The following CHERP variants were observed in gnomAD, a reference collection of about 807,000 sequenced individuals.
CHERP encodes the protein calcium homeostasis endoplasmic reticulum protein, also known as ERPROT 213-21.
A neutral mutation model predicts 113.8 loss-of-function variants in CHERP; 8 were observed. That is an observed-to-expected ratio of 0.07 (90% confidence interval 0.04 to 0.13). The LOEUF is 0.13. Among genes scored for constraint, CHERP ranks in the 10% least tolerant of loss-of-function variants. The probability of loss-of-function intolerance (pLI) is 1.00; values close to 1 mark genes in which losing one functional copy is unlikely to be tolerated. For synonymous variants in CHERP, 559 were observed against 524.5 expected, an observed-to-expected ratio of 1.07 and a Z score of -0.90; for missense variants, 884 against 1,298.2, an observed-to-expected ratio of 0.68 and a Z score of 4.90.
At chr19:16,524,522 C>T (rs1217316000) in intron 10 of CHERP, among the ~76,000 whole-genome samples, 3 of 150,268 alleles carry the variant, frequency 2.0e-5, no homozygotes, top group African/African-American at 7.4e-5. Flanking sequence ...TGCCATTGCA[C>T]TCCAGCCTGG....
At chr19:16,521,778 G>A (rs2122245288) in intron 11 of CHERP, 124 bp from the exon 12 acceptor site, 1 of 867,646 alleles carries the variant, frequency 1.2e-6, no homozygotes, top group Non-Finnish European at 1.6e-6. Context: ...CTGGGCACCA[G>A]AGCTCCTCAT....
chr19:16,520,204 TGGACCGGGACCGCGACTG>T lies in CHERP; in HGVS notation c.2389_2406del (p.Gln797_Ser802del), dbSNP rs760191834. ...CGTCTTCTTCCTGGGGAGTACGACT[TGGACCGGGACCGCGACTG>T]GGACCGGGAGCGGCTTCTGGAGGAG... is the stretch of plus-strand genomic sequence containing the variant. On this transcript the variant is annotated inframe_deletion, in exon 15 of 17. Coordinates refer to ENST00000546361, the MANE Select transcript of CHERP (RefSeq NM_006387.6). This position sits in a 1 kb window ranked among gnomAD's most constrained non-coding sequence, Gnocchi z 4.0. 1.2e-6 allele frequency: 2 copies of T among 1,613,188 alleles called. No individual in the cohort carries two copies. Among genetic ancestry groups the T allele is most frequent in the African/African-American group, 1.3e-5 (1 of 74,878 alleles).
chr19:16,529,229 G>A (rs1373162821), intron 8 of CHERP, among the ~76,000 whole-genome samples: 1 of 152,142 alleles, frequency 6.6e-6, no homozygotes, highest in African/African-American at 2.4e-5. Context: ...TGTTGCCCAG[G>A]CTAATCTCAA....
Position 16,532,947 on chromosome 19 carries a change from G to T in CHERP, c.522+64C>A. On this transcript the variant is annotated intron_variant, in intron 4 of 16. Coordinates refer to ENST00000546361, the MANE Select transcript of CHERP (RefSeq NM_006387.6). This position sits in a 1 kb window ranked among gnomAD's most constrained non-coding sequence, Gnocchi z 4.4. ...ACAGCCCTTAGCCCAGATTGGCTAC[G>T]ACAGGCCCTGCCTCAGGGAGGGACC... 4.5e-6 allele frequency: 7 copies of T among 1,546,766 alleles called. No homozygotes were observed. Among genetic ancestry groups the T allele is most frequent in the South Asian group, 1.2e-5 (1 of 83,904 alleles).
chr19:16,538,267 A>C (rs2085754548), intron 2 of CHERP, among the ~76,000 whole-genome samples: 1 of 152,088 alleles, frequency 6.6e-6, no homozygotes, highest in Non-Finnish European at 1.5e-5. Flanking sequence ...AGCCACCCTA[A>C]GCTCTGGGTT....
intron 9 of CHERP, among the ~76,000 whole-genome samples, chr19:16,527,795 G>A (rs962747579): frequency 1.3e-5 from 2 of 152,176 alleles, no homozygotes; most frequent in African/African-American, 4.8e-5. Flanking sequence ...ACCCTGCCGT[G>A]CCTTGCAGCG....
In CHERP at chr19:16,532,425, G is replaced by A; in HGVS notation, c.674+173C>T. On this transcript the variant is annotated intron_variant, in intron 5 of 16. Coordinates refer to ENST00000546361, the MANE Select transcript of CHERP (RefSeq NM_006387.6). The surrounding 1 kb of genome is among the most constrained non-coding windows in gnomAD (Gnocchi z 4.4). The stretch of plus-strand genomic sequence containing the variant: ...CAGGACACCTAGACCTCGCAGTCCT[G>A]GAGACAGAAGCCTGGTGGCTCACAG... 1.3e-6 allele frequency: 1 copy of A among 749,486 alleles called. No individual in the cohort carries two copies. Among genetic ancestry groups the A allele is most frequent in the Non-Finnish European group, 2.1e-6 (1 of 475,236 alleles). 46.4% of individuals were successfully genotyped at this position (749,486 alleles called of 1,614,324 possible).
In CHERP at chr19:16,530,216, T is replaced by C. The variant is rs541631502; in HGVS notation, c.877-316A>G. Among the ~76,000 whole-genome samples the C allele has an allele frequency of 1.2e-3, 177 of 152,322 alleles. No homozygotes were observed. Among genetic ancestry groups the C allele is most frequent in the African/African-American group, 4.2e-3 (176 of 41,574 alleles). ...CCACCAACATTCTGGGACACGCTCATGGGCTCTGCCTCCCACTCGCCATGT... is the reference window on the plus strand; with the variant it reads ...CCACCAACATTCTGGGACACGCTCACGGGCTCTGCCTCCCACTCGCCATGT... On this transcript the variant is annotated intron_variant, in intron 7 of 16. Transcript: ENST00000546361. This position sits in a 1 kb window ranked among gnomAD's most constrained non-coding sequence, Gnocchi z 4.1.
Position 16,519,138 on chromosome 19 carries a change from CG to C in CHERP, c.*20del. ...CACAGCCGGCACCGCTGGCCACCGG[CG>C]CGGCTCCCGGCATGGGCGCCTACTT... On this transcript the variant is annotated 3_prime_UTR_variant, in exon 17 of 17. Coordinates refer to ENST00000546361, the MANE Select transcript of CHERP (RefSeq NM_006387.6). The surrounding 1 kb of genome is among the most constrained non-coding windows in gnomAD (Gnocchi z 6.0). 6.2e-7 allele frequency: 1 copy of C among 1,603,684 alleles called. No homozygotes were observed. The highest frequency in any genetic ancestry group is 8.5e-7 in the Non-Finnish European group (1 of 1,175,536).
Position 16,521,532 on chromosome 19 carries a change from C to T in CHERP, c.2103G>A (p.Arg701=). 2 of 1,595,752 alleles carry T rather than the reference C, an allele frequency of 1.3e-6. No individual in the cohort carries two copies. Among genetic ancestry groups the T allele is most frequent in the Admixed American group, 1.7e-5 (1 of 57,976 alleles). ...EAFYSPPSHD[R]PRNSEGWEQN... ...CCTGGGCCCCTTACCTGTTCCTGGG[C>T]CTGTCGTGGGACGGGGGGCTGTAGA... is the stretch of plus-strand genomic sequence containing the variant. The change falls in exon 12 of 17, where the codon AGG becomes AGA. Residue 701 remains arginine (R), a synonymous_variant. Transcript: ENST00000546361.
chr19:16,532,861 G>T lies in CHERP; in HGVS notation c.523-112C>A. 1 of 1,529,240 alleles carries T rather than the reference G, an allele frequency of 6.5e-7. No homozygotes were observed. Among genetic ancestry groups the T allele is most frequent in the Non-Finnish European group, 8.8e-7 (1 of 1,131,704 alleles). 94.7% of individuals were successfully genotyped at this position (1,529,240 alleles called of 1,614,324 possible). On this transcript the variant is annotated intron_variant, in intron 4 of 16. Transcript: ENST00000546361. This position sits in a 1 kb window ranked among gnomAD's most constrained non-coding sequence, Gnocchi z 4.4. Reference sequence around the variant, plus strand: ...TCAGGGAAGGACACACCATGAGCGTGGGGGGCACAGGGTCCCACAGCCTCA... The same window carrying T: ...TCAGGGAAGGACACACCATGAGCGTTGGGGGCACAGGGTCCCACAGCCTCA...
chr19:16,529,264 C>A (rs2085678912), intron 8 of CHERP, among the ~76,000 whole-genome samples: 2 of 152,190 alleles, frequency 1.3e-5, no homozygotes, highest in African/African-American at 4.8e-5. Flanking sequence ...GCGATCTGCC[C>A]ATCTTGGCCT....
In CHERP at chr19:16,530,398, C is replaced by T. The variant is rs932248123; in HGVS notation, c.876+187G>A. Among the ~76,000 whole-genome samples, 1 of 152,202 alleles carries T rather than the reference C, an allele frequency of 6.6e-6. No homozygotes were observed. The highest frequency in any genetic ancestry group is 2.4e-5 in the African/African-American group (1 of 41,446). On this transcript the variant is annotated intron_variant, in intron 7 of 16. Coordinates refer to ENST00000546361, the MANE Select transcript of CHERP (RefSeq NM_006387.6). The surrounding 1 kb of genome is among the most constrained non-coding windows in gnomAD (Gnocchi z 4.1). The stretch of plus-strand genomic sequence containing the variant: ...TAGTGTTCCAGGAAAGTCAGGGAGA[C>T]ACACCTAAGGCCTGGGAAATGTCAC...
rs751586190 is a variant in CHERP at position 16,529,769 on chromosome 19, TTGCTGCTGCTGC to T, written c.996_1007del (p.Gln338_Gln341del). ...GCATCTGGAGCTGCTGCTGCTGCTG[TTGCTGCTGCTGC>T]TGCTGCTGGGCCAGGCTGGTGACAA... On this transcript the variant is annotated inframe_deletion, in exon 8 of 17. Coordinates refer to ENST00000546361, the MANE Select transcript of CHERP (RefSeq NM_006387.6). The T allele has an allele frequency of 2.6e-5, 42 of 1,605,668 alleles. No individual in the cohort carries two copies. Among genetic ancestry groups the T allele is most frequent in the Admixed American group, 2.5e-4 (15 of 59,714 alleles).
chr19:16,528,171 G>T lies in CHERP; in HGVS notation c.1214C>A (p.Pro405His). Residue 405 changes from proline (P) to histidine (H), a missense_variant, in exon 9 of 17, where the codon CCC (proline) becomes CAC (histidine). Physicochemically the swap from Pro to His is moderately conservative, Grantham distance 77 (BLOSUM62 -2). Transcript: ENST00000546361. ...CTGGTCGTGTGGCCCGGGGCCCCGG[G>T]GGCCGGCAGCTGCAGGATCCTGGAC... The part of the protein sequence containing the change: ...GGVQDPAAAG[P>H]RGPGPHDQIP... 6.2e-7 allele frequency: 1 copy of T among 1,613,248 alleles called. No individual in the cohort carries two copies. Among genetic ancestry groups the T allele is most frequent in the Non-Finnish European group, 8.5e-7 (1 of 1,179,746 alleles).
chr19:16,540,699 CTTTCT>C (rs2122293702), intron 2 of CHERP, among the ~76,000 whole-genome samples: 2 of 149,582 alleles, frequency 1.3e-5, no homozygotes, highest in South Asian at 4.2e-4. Flanking sequence ...CTTTTTCTTT[CTTTCT>C]TTTTTTTTTT....
Position 16,525,209 on chromosome 19 carries a change from C to T in CHERP, c.1741+33G>A, listed in dbSNP as rs1253608273. On this transcript the variant is annotated intron_variant, in intron 10 of 16. Coordinates refer to ENST00000546361, the MANE Select transcript of CHERP (RefSeq NM_006387.6). The surrounding 1 kb of genome is among the most constrained non-coding windows in gnomAD (Gnocchi z 6.5). ...TCGGCAGGCGAGCCGTGGATGCCTC[C>T]GCCAGGCCCTACCCAGGCGCCCGTA... 9 of 1,400,292 alleles carry T rather than the reference C, an allele frequency of 6.4e-6. No homozygotes were observed. Among genetic ancestry groups the T allele is most frequent in the South Asian group, 3.4e-5 (2 of 58,348 alleles). The allele number at this position is 1,400,292 out of a possible 1,614,324, so 86.7% of individuals were successfully genotyped here. A position where few individuals can be genotyped will look rare whatever the true frequency, so the allele number is the denominator to read the frequency against.
At chr19:16,529,506 G>T in intron 8 of CHERP, 142 bp downstream of exon 8, 1 of 1,053,880 alleles carries the variant, frequency 9.5e-7, no homozygotes, top group Non-Finnish European at 1.3e-6. Flanking sequence ...GTAAATGGAT[G>T]AAAACCTGGG....
At chr19:16,536,038 C>T (rs1025446047) in intron 2 of CHERP, among the ~76,000 whole-genome samples, 13 of 152,226 alleles carry the variant, frequency 8.5e-5, no homozygotes, top group Non-Finnish European at 1.3e-4. Flanking sequence ...TCGGCCACTC[C>T]CTGACCTCTG....
Sources: allele counts gnomAD v4.1 joint callset (sites outside exome capture counted in the v4.1 genomes callset), GRCh38; gene constraint gnomAD v4.1.1; non-coding constraint Gnocchi (gnomAD v3.1); transcripts MANE v1.5; gene names NCBI Gene and HGNC (gene_info 2026-07-23, HGNC 2026-07-21).